Variants in MYO3B observed in about 807,000 individuals in gnomAD.
The protein encoded by MYO3B is myosin IIIB.
Under a neutral mutation model 174.6 loss-of-function variants are expected in MYO3B, and 156 were observed. The ratio of observed to expected loss-of-function variants is 0.89; its 90% CI spans 0.78 to 1.02. MYO3B has a LOEUF of 1.02. MYO3B is among the 50% of genes least tolerant of loss of function. The pLI, the probability that MYO3B is intolerant of heterozygous loss-of-function variation, is 0.00. For missense variants in MYO3B, 1,632 were observed against 1,639.4 expected (o/e 1.00, Z 0.08); for synonymous variants, 563 against 569.1 (o/e 0.99, Z 0.15).
chr2:170,263,229 A>G (rs1300678358), intron 7 of MYO3B, among the ~76,000 whole-genome samples: 1 of 152,144 alleles, frequency 6.6e-6, no homozygotes, highest in Non-Finnish European at 1.5e-5. Context: ...AGTGAGTGTC[A>G]ATTGGAGGCA....
At chr2:170,472,669 T>TTATCTATCTATC (rs201976360) in intron 25 of MYO3B, among the ~76,000 whole-genome samples, 5 of 142,014 alleles carry the variant, frequency 3.5e-5, no homozygotes, top group Admixed American at 3.5e-4. Context: ...AGCTCACTTT[T>TTATCTATCTATC]TATCTATTTA....
At chr2:170,250,308 A>G (rs993949809) in intron 7 of MYO3B, among the ~76,000 whole-genome samples, 1 of 152,246 alleles carries the variant, frequency 6.6e-6, no homozygotes, top group Admixed American at 6.5e-5. Context: ...GAAAGGAAGT[A>G]GTTACTGGAC....
intron 7 of MYO3B, among the ~76,000 whole-genome samples, chr2:170,267,438 G>T (rs962231577): frequency 6.6e-6 from 1 of 152,174 alleles, no homozygotes; most frequent in African/African-American, 2.4e-5. Flanking sequence ...AAAGAGAATT[G>T]GTTTGGCAGA....
chr2:170,583,074 C>T (rs1405529939), intron 32 of MYO3B, among the ~76,000 whole-genome samples: 3 of 150,532 alleles, frequency 2.0e-5, no homozygotes, highest in African/African-American at 7.4e-5. Context: ...ACACCCCGCA[C>T]ACCCCCCACT....
chr2:170,540,673 A>C (rs1690037173), intron 30 of MYO3B, among the ~76,000 whole-genome samples: 1 of 150,452 alleles, frequency 6.6e-6, no homozygotes, highest in Non-Finnish European at 1.5e-5. Flanking sequence ...AACAAAAAAA[A>C]CAAAAAAACA....
chr2:170,216,320 A>T lies in MYO3B; in HGVS notation c.527-999A>T, dbSNP rs116835555. 7.8e-3 allele frequency among the ~76,000 whole-genome samples: 1,195 copies of T among 152,298 alleles called. 16 individuals carry two copies. Among genetic ancestry groups the T allele is most frequent in the African/African-American group, 0.027 (1,140 of 41,560 alleles). ...TAAAAGAATACCTTATGTGTGTAAAATGCTTTGCAATTTATAAAGCATTTT... is the reference window on the plus strand; with the variant it reads ...TAAAAGAATACCTTATGTGTGTAAATTGCTTTGCAATTTATAAAGCATTTT... On this transcript the variant is annotated intron_variant, in intron 5 of 34. Coordinates refer to ENST00000408978, the MANE Select transcript of MYO3B (RefSeq NM_138995.5).
chr2:170,249,328 G>A (rs925113226), intron 7 of MYO3B, among the ~76,000 whole-genome samples: 2 of 152,060 alleles, frequency 1.3e-5, no homozygotes, highest in Non-Finnish European at 2.9e-5. Context: ...TTAGTCCAAG[G>A]AGCTAGAGAG....
At chr2:170,220,608 G>A (rs577408950) in intron 6 of MYO3B, among the ~76,000 whole-genome samples, 80 of 135,114 alleles carry the variant, frequency 5.9e-4, no homozygotes, top group Non-Finnish European at 1.0e-3. Context: ...CAGCCTGGGC[G>A]ACAGAGCCAG....
At chr2:170,388,929 A>G (rs1333766499) in intron 14 of MYO3B, among the ~76,000 whole-genome samples, 1 of 152,144 alleles carries the variant, frequency 6.6e-6, no homozygotes, top group Non-Finnish European at 1.5e-5. Context: ...TGGCTTTTTG[A>G]TTAATTTTTA....
At chr2:170,201,895 G>A (rs917287498) in intron 3 of MYO3B, among the ~76,000 whole-genome samples, 1 of 152,136 alleles carries the variant, frequency 6.6e-6, no homozygotes, top group South Asian at 2.1e-4. Flanking sequence ...AGAAACCTCA[G>A]TTTCTGCTTA....
At chr2:170,608,935 C>T (rs867698645) in intron 32 of MYO3B, among the ~76,000 whole-genome samples, 1 of 152,112 alleles carries the variant, frequency 6.6e-6, no homozygotes, top group South Asian at 2.1e-4. Context: ...CGCTTGAGAA[C>T]CAAAGTCCCT....
intron 25 of MYO3B, among the ~76,000 whole-genome samples, chr2:170,490,032 CT>C (rs1421250552): frequency 1.4e-3 from 191 of 139,524 alleles, no homozygotes; most frequent in Middle Eastern, 3.7e-3. Flanking sequence ...TCTTTTCTTT[CT>C]TTTTTTTTTT....
At chr2:170,248,136 G>T (rs531487666) in intron 7 of MYO3B, among the ~76,000 whole-genome samples, 1 of 152,068 alleles carries the variant, frequency 6.6e-6, no homozygotes, top group Non-Finnish European at 1.5e-5. Context: ...GTCTTGATTG[G>T]CAAGACCCCT....
At chr2:170,224,219 G>A (rs1423231758) in intron 6 of MYO3B, among the ~76,000 whole-genome samples, 1 of 152,190 alleles carries the variant, frequency 6.6e-6, no homozygotes, top group Non-Finnish European at 1.5e-5. Flanking sequence ...TTTCACAACA[G>A]CTCTCAATAG....
intron 25 of MYO3B, among the ~76,000 whole-genome samples, chr2:170,483,426 G>A (rs182875082): frequency 0.013 from 1,387 of 108,578 alleles, 63 homozygotes; most frequent in East Asian, 0.11. Context: ...TAGCTCTGTC[G>A]CCCAGGCTGG....
At position 170,463,413 on chromosome 2, in the gene MYO3B, A is replaced by C; in HGVS notation, c.2776A>C (p.Met926Leu). The C allele has an allele frequency of 6.2e-7, 1 of 1,614,156 alleles. No homozygotes were observed. Among genetic ancestry groups the C allele is most frequent in the Non-Finnish European group, 8.5e-7 (1 of 1,180,032 alleles). The change falls in exon 24 of 35, where the codon ATG (methionine) becomes CTG (leucine). Residue 926 changes from methionine (M) to leucine (L), a missense_variant. By Grantham distance (15) the Met-to-Leu change is conservative. Transcript: ENST00000408978. ...ACGGCATCCGGAAGAAACCACCAAC[A>C]TGAAGAGGCAAACTGTGGCTTCTTA... The part of the protein sequence containing the change: ...VIRHPEETTN[M>L]KRQTVASYFR...
chr2:170,596,828 C>A (rs1367479690), intron 32 of MYO3B, among the ~76,000 whole-genome samples: 3 of 152,202 alleles, frequency 2.0e-5, no homozygotes, highest in Non-Finnish European at 4.4e-5. Flanking sequence ...AGCCACAGGC[C>A]TGTAAAATAG....
At chr2:170,241,544 G>T (rs2093133878) in intron 7 of MYO3B, among the ~76,000 whole-genome samples, 1 of 152,156 alleles carries the variant, frequency 6.6e-6, no homozygotes, top group Admixed American at 6.5e-5. Context: ...CAGAGTTTTT[G>T]CTGTCAAGGA....
At chr2:170,357,926 G>C (rs1258126930) in intron 8 of MYO3B, among the ~76,000 whole-genome samples, 2 of 152,230 alleles carry the variant, frequency 1.3e-5, no homozygotes, top group Non-Finnish European at 2.9e-5. Flanking sequence ...GCCAAGGTGG[G>C]TGGATCACCT....
Sources: allele counts gnomAD v4.1 joint callset (sites outside exome capture counted in the v4.1 genomes callset), GRCh38; gene constraint gnomAD v4.1.1; transcripts MANE v1.5; gene names NCBI Gene and HGNC (gene_info 2026-07-23, HGNC 2026-07-21).